The following LMNTD2 variants were observed in gnomAD, a reference collection of about 807,000 sequenced individuals.
LMNTD2 encodes lamin tail domain containing 2.
In LMNTD2, 83 loss-of-function variants were observed where a neutral mutation model predicts 70.1. The observed-to-expected ratio is 1.18, with a 90% confidence interval of 0.99 to 1.42. LMNTD2 has a LOEUF of 1.42. LMNTD2 is among the 40% of genes most tolerant of loss of function. The pLI, the probability that LMNTD2 is intolerant of heterozygous loss-of-function variation, is 0.00. For missense variants in LMNTD2, 1,153 were observed against 905.9 expected (o/e 1.27, Z -3.50); for synonymous variants, 534 against 406.1 (o/e 1.31, Z -3.79).
rs755023856 is a variant in LMNTD2, at chr11:555,989, C to T, written c.1377+7G>A. On this transcript the variant is annotated splice_region_variant and intron_variant, in intron 11 of 13. Coordinates refer to ENST00000329451, the MANE Select transcript of LMNTD2 (RefSeq NM_173573.3). ...CCCCGGCCGCCCCACCGGGGACCCG[C>T]ACCGACCTCGCCCTTGGGGCTCAGG... 1.3e-6 allele frequency: 2 copies of T among 1,558,734 alleles called. No individual in the cohort carries two copies. Among genetic ancestry groups the T allele is most frequent in the South Asian group, 2.3e-5 (2 of 86,850 alleles).
In LMNTD2 at chr11:558,565, G is replaced by C. The variant is rs564413903; in HGVS notation, c.311+49C>G. Reference sequence around the variant, plus strand: ...GGGGTCAGACAGAAACCAGGAGTCCGGGCGAGGACAGGGCGGGGTTGGGTT... The same window carrying C: ...GGGGTCAGACAGAAACCAGGAGTCCCGGCGAGGACAGGGCGGGGTTGGGTT... On this transcript the variant is annotated intron_variant, in intron 3 of 13. Coordinates refer to ENST00000329451, the MANE Select transcript of LMNTD2 (RefSeq NM_173573.3). 5.2e-5 allele frequency: 81 copies of C among 1,555,670 alleles called. No individual in the cohort carries two copies. In the Admixed American group the frequency reaches 8.8e-4, roughly 17 times the overall value.
In LMNTD2 at chr11:558,964, C is replaced by G. The variant is rs1169805488; in HGVS notation, c.50G>C (p.Ser17Thr). The G allele has an allele frequency of 1.2e-6, 2 of 1,602,056 alleles. No homozygotes were observed. Among genetic ancestry groups the G allele is most frequent in the East Asian group, 4.5e-5 (2 of 44,872 alleles). The change falls in exon 2 of 14, where the codon AGT becomes ACT. Residue 17 changes from serine to threonine, a missense_variant. Transcript: ENST00000329451. ...GCCTGCTGGAGGTCCCAGGTGACCA[C>G]TGACCGACTCTTGCTCTGTGGGGGA... ...AGRRREQESV[S>T]GHLGPPAGAP...
In LMNTD2 at chr11:558,734, A is replaced by G. The variant is rs1397278974; in HGVS notation, c.191T>C (p.Leu64Pro). Residue 64 changes from leucine (L) to proline (P), a missense_variant, in exon 3 of 14, where the codon CTG becomes CCG. By Grantham distance (98) the Leu-to-Pro change is moderately conservative. Transcript: ENST00000329451. ...TTCTCGCTGTCTCCACAGCAGCCGC[A>G]GTGTGCGAGGGTCCAGGGACTCAAG... ...LALESLDPRT[L>P]RLLWRQRELE... The G allele has an allele frequency of 6.2e-6, 10 of 1,609,042 alleles. No individual in the cohort carries two copies. Among genetic ancestry groups the G allele is most frequent in the Non-Finnish European group, 7.6e-6 (9 of 1,178,440 alleles).
intron 1 of LMNTD2, 177 bp from the exon 2 acceptor site, chr11:559,156 G>T: frequency 6.8e-7 from 1 of 1,462,992 alleles, no homozygotes; most frequent in African/African-American, 1.4e-5. Flanking sequence ...ACAGAGCGTT[G>T]CTCTCTGAAG....
chr11:557,274 G>A (rs552611047), intron 7 of LMNTD2, 125 bp downstream of exon 7: 145 of 1,365,378 alleles, frequency 1.1e-4, no homozygotes, highest in Middle Eastern at 2.0e-4. Context: ...ATCAGAGAAC[G>A]CGCATTGGAA....
chr11:555,160 A>AGGGGC, intron 13 of LMNTD2, 49 bp from the exon 14 acceptor site: 1 of 282,424 alleles, frequency 3.5e-6, no homozygotes. Context: ...CGGGGACGGG[A>AGGGGC]GGGGAGGGGA....
In LMNTD2 at chr11:558,019, C is replaced by T. The variant is rs373503924; in HGVS notation, c.420G>A (p.Glu140=). ...RAQWEKEHLE[E]RLLQTTRTLQ... is the part of the protein sequence containing the mutation. Reference sequence around the variant, plus strand: ...GCGTGCGGGTGGTCTGCAGCAGCCGCTCCTCCAGGTGCTCCTTCTCCTGCT... The same window carrying T: ...GCGTGCGGGTGGTCTGCAGCAGCCGTTCCTCCAGGTGCTCCTTCTCCTGCT... Residue 140 remains glutamate, a synonymous_variant, in exon 5 of 14, where the codon GAG becomes GAA. Transcript: ENST00000329451. The T allele has an allele frequency of 3.0e-5, 47 of 1,580,670 alleles. No homozygotes were observed. The highest frequency in any genetic ancestry group is 7.0e-5 in the Admixed American group (4 of 57,120).
Position 556,608 on chromosome 11 carries a change from T to C in LMNTD2, c.977-20A>G, listed in dbSNP as rs766960930. ...GGAGATCTAGAGAGAGCAGCGCTTT[T>C]GGGGAGGGGACCCTCGAATGGAGTC... On this transcript the variant is annotated intron_variant, in intron 8 of 13. Coordinates refer to ENST00000329451, the MANE Select transcript of LMNTD2 (RefSeq NM_173573.3). 2 of 1,495,126 alleles carry C rather than the reference T, an allele frequency of 1.3e-6. No individual in the cohort carries two copies. The highest frequency in any genetic ancestry group is 1.8e-6 in the Non-Finnish European group (2 of 1,121,840). 92.6% of individuals were successfully genotyped at this position (1,495,126 alleles called of 1,614,324 possible).
intron 1 of LMNTD2, 50 bp downstream of exon 1, chr11:560,633 A>T: frequency 7.4e-7 from 1 of 1,349,694 alleles, no homozygotes; most frequent in Non-Finnish European, 9.6e-7. Context: ...AACCCGCCAC[A>T]CTAGAAGGCT....
In LMNTD2 at chr11:555,033, A is replaced by C. The variant is rs749539886; in HGVS notation, c.1852T>G (p.Phe618Val). The change falls in exon 14 of 14, where the codon TTC becomes GTC. Residue 618 changes from phenylalanine to valine, a missense_variant. Physicochemically the swap from Phe to Val is conservative, Grantham distance 50. Transcript: ENST00000329451. Reference protein sequence around the residue: ...VQNTAESRFGFRFLSCLPVTA... With the variant: ...VQNTAESRFGVRFLSCLPVTA... ...ACCGGCAGGCAGCTGAGGAAGCGGAAGCCGAATCTGCTCTCCGCCGTGTTC... is the reference window on the plus strand; with the variant it reads ...ACCGGCAGGCAGCTGAGGAAGCGGACGCCGAATCTGCTCTCCGCCGTGTTC... The C allele has an allele frequency of 1.4e-5, 23 of 1,593,386 alleles. No homozygotes were observed. Among genetic ancestry groups the C allele is most frequent in the Non-Finnish European group, 2.0e-5 (23 of 1,173,110 alleles).
At chr11:555,678 C>T (rs1202750111) in intron 12 of LMNTD2, 56 bp downstream of exon 12, 43 of 1,354,992 alleles carry the variant, frequency 3.2e-5, no homozygotes, top group Non-Finnish European at 4.1e-5. Context: ...GGGACCGTTT[C>T]TGCTGGGTCG....
chr11:558,529 C>CGGTTGG, intron 3 of LMNTD2, 85 bp downstream of exon 3: 6 of 1,457,090 alleles, frequency 4.1e-6, no homozygotes, highest in South Asian at 2.7e-5. Context: ...TCTGCCTCAG[C>CGGTTGG]GGTTGGGGTT....
chr11:559,079 G>C (rs773454835), intron 1 of LMNTD2, 100 bp from the exon 2 acceptor site: 2 of 1,548,728 alleles, frequency 1.3e-6, no homozygotes, highest in East Asian at 2.3e-5. Context: ...GGGGTGGGGG[G>C]CCCGTCTGCC....
intron 1 of LMNTD2, chr11:560,254 C>CG: frequency 1.0e-6 from 1 of 982,872 alleles, no homozygotes; most frequent in Non-Finnish European, 1.2e-6. Flanking sequence ...CGCGAGGCTG[C>CG]GGGGCCCTGG....
Position 555,421 on chromosome 11 carries a change from T to A in LMNTD2, c.1657A>T (p.Ile553Phe). 7.2e-7 allele frequency: 1 copy of A among 1,392,926 alleles called. No homozygotes were observed. 86.3% of individuals were successfully genotyped at this position (1,392,926 alleles called of 1,614,324 possible). A position where few individuals can be genotyped will look rare whatever the true frequency, so the allele number is the denominator to read the frequency against. Reference sequence around the variant, plus strand: ...GCGGGCAGGTGCTGCGGCGCGGGGATCTCGGGGTTCTCGGGCCGCGCAGGC... The same window carrying A: ...GCGGGCAGGTGCTGCGGCGCGGGGAACTCGGGGTTCTCGGGCCGCGCAGGC... ...EGPARPENPE[I>F]PAPQHLPAIP... The change falls in exon 13 of 14, where the codon ATC becomes TTC. Residue 553 changes from isoleucine to phenylalanine, a missense_variant. Coordinates refer to ENST00000329451, the MANE Select transcript of LMNTD2 (RefSeq NM_173573.3).
chr11:558,747 C>G lies in LMNTD2; in HGVS notation c.178G>C (p.Asp60His), dbSNP rs535898670. 98 of 1,607,234 alleles carry G rather than the reference C, an allele frequency of 6.1e-5. No homozygotes were observed. The South Asian group carries it at 9.7e-4, about 16-fold the overall frequency. The change falls in exon 3 of 14, where the codon GAC becomes CAC. Residue 60 changes from aspartate to histidine, a missense_variant. Transcript: ENST00000329451. ...CACAGCAGCCGCAGTGTGCGAGGGT[C>G]CAGGGACTCAAGAGCCAACCTGCAG... is the stretch of plus-strand genomic sequence containing the variant. ...ADPQLALESL[D>H]PRTLRLLWRQ...
At position 560,722 on chromosome 11, in the gene LMNTD2, C is replaced by G. The variant is rs1379199081; in HGVS notation, c.-6G>C. 3 of 1,431,356 alleles carry G rather than the reference C, an allele frequency of 2.1e-6. No individual in the cohort carries two copies. Among genetic ancestry groups the G allele is most frequent in the East Asian group, 6.1e-5 (2 of 32,630 alleles). The allele number at this position is 1,431,356 out of a possible 1,614,324, so 88.7% of individuals were successfully genotyped here. ...GCGGGCCGCAGCCACCGCATTTCCGCGTTTTTCGCGGTAGGCGGGAGGTGG... is the reference window on the plus strand; with the variant it reads ...GCGGGCCGCAGCCACCGCATTTCCGGGTTTTTCGCGGTAGGCGGGAGGTGG... On this transcript the variant is annotated 5_prime_UTR_variant, in exon 1 of 14. Transcript: ENST00000329451.
chr11:555,001 C>G lies in LMNTD2; in HGVS notation c.1884G>C (p.Ala628=). The change falls in exon 14 of 14, where the codon GCG becomes GCC. Residue 628 remains alanine (A), a synonymous_variant. Transcript: ENST00000329451. ...GCCCCTAGGCGCCGCGGCAGGTGTC[C>G]GCGGTGACCGGCAGGCAGCTGAGGA... ...FRFLSCLPVT[A]DTCRGA is the part of the protein sequence containing the mutation. The G allele has an allele frequency of 6.3e-7, 1 of 1,588,938 alleles. No individual in the cohort carries two copies. The highest frequency in any genetic ancestry group is 2.3e-5 in the East Asian group (1 of 42,630).
In LMNTD2 at chr11:555,772, G is replaced by T; in HGVS notation, c.1536C>A (p.Gly512=). The stretch of plus-strand genomic sequence containing the variant: ...GACTGACCCGGGGCTCCCGCACCCG[G>T]CCTTTGCGCAGGGGTCGAGGTGGGC... The part of the protein sequence containing the change: ...PPRPPRPLRK[G]RVREPRVSRR... The change falls in exon 12 of 14, where the codon GGC becomes GGA. Residue 512 remains glycine (G), a synonymous_variant. Transcript: ENST00000329451. 6.8e-7 allele frequency: 1 copy of T among 1,471,548 alleles called. No individual in the cohort carries two copies. 91.2% of individuals were successfully genotyped at this position (1,471,548 alleles called of 1,614,324 possible). A position where few individuals can be genotyped will look rare whatever the true frequency, so the allele number is the denominator to read the frequency against.
Sources: gnomAD v4.1 joint callset for allele counts on GRCh38, gnomAD v4.1.1 for gene constraint, MANE v1.5 for transcripts, NCBI Gene and HGNC (gene_info 2026-07-23, HGNC 2026-07-21) for gene names.